TMTC2: variants seen among roughly 807,000 people sequenced by gnomAD.
TMTC2 encodes the protein protein O-mannosyl-transferase TMTC2.
In TMTC2, 43 loss-of-function variants were observed where a neutral mutation model predicts 82.4. The observed-to-expected ratio is 0.52, with a 90% CI of 0.41 to 0.67. TMTC2 has a LOEUF of 0.67. Ranked by LOEUF, TMTC2 falls within the 30% of genes least tolerant of loss-of-function variation. TMTC2 has a pLI of 0.00. For missense variants in TMTC2, 919 were observed against 1,012.4 expected (o/e 0.91, Z 1.25); for synonymous variants, 408 against 381.9 (o/e 1.07, Z -0.80).
At chr12:83,078,314 G>A (rs1355245783) in intron 11 of TMTC2, among the ~76,000 whole-genome samples, 1 of 152,092 alleles carries the variant, frequency 6.6e-6, no homozygotes, top group African/African-American at 2.4e-5. Flanking sequence ...TGTCATCCTG[G>A]ATGACATTAA....
intron 1 of TMTC2, among the ~76,000 whole-genome samples, chr12:82,705,690 C>T (rs951251993): frequency 2.6e-5 from 4 of 152,112 alleles, no homozygotes; most frequent in African/African-American, 7.2e-5. Context: ...TGCTATCTCC[C>T]GAGAAAGCAT....
At chr12:82,700,817 G>T (rs1214735766) in intron 1 of TMTC2, among the ~76,000 whole-genome samples, 1 of 152,150 alleles carries the variant, frequency 6.6e-6, no homozygotes, top group African/African-American at 2.4e-5. Context: ...CTGAAACTGA[G>T]TATCTTATAA....
intron 1 of TMTC2, among the ~76,000 whole-genome samples, chr12:82,732,288 A>G (rs1874857779): frequency 6.6e-6 from 1 of 151,268 alleles, no homozygotes; most frequent in Non-Finnish European, 1.5e-5. Context: ...GGCTTATTTT[A>G]CTCTGGCTAC....
intron 8 of TMTC2, among the ~76,000 whole-genome samples, chr12:83,025,570 G>A (rs1314973883): frequency 6.6e-6 from 1 of 152,092 alleles, no homozygotes; most frequent in Non-Finnish European, 1.5e-5. Context: ...GACACCAACA[G>A]GATGCCCTAC....
chr12:82,810,234 A>G (rs928130575), intron 1 of TMTC2, among the ~76,000 whole-genome samples: 1 of 151,744 alleles, frequency 6.6e-6, no homozygotes, highest in African/African-American at 2.4e-5. Context: ...GCTGTGGTCA[A>G]AGGAAGCTTA....
At chr12:82,997,175 T>TCTCCCCCCCC (rs150688624) in intron 8 of TMTC2, among the ~76,000 whole-genome samples, 1 of 114,510 alleles carries the variant, frequency 8.7e-6, no homozygotes, top group Non-Finnish European at 1.7e-5. Flanking sequence ...TCTCTCTCTC[T>TCTCCCCCCCC]CCCACCCCTC....
intron 6 of TMTC2, among the ~76,000 whole-genome samples, chr12:82,966,376 C>T (rs1878209086): frequency 6.6e-6 from 1 of 152,122 alleles, no homozygotes; most frequent in Non-Finnish European, 1.5e-5. Flanking sequence ...TTGCCCCTCT[C>T]TCCCCTTCAA....
intron 11 of TMTC2, among the ~76,000 whole-genome samples, chr12:83,123,330 G>A (rs1029730111): frequency 1.3e-5 from 2 of 152,216 alleles, no homozygotes; most frequent in African/African-American, 4.8e-5. Context: ...CACAAATACT[G>A]TGTTGAAACT....
intron 8 of TMTC2, among the ~76,000 whole-genome samples, chr12:83,014,084 A>T (rs933283482): frequency 6.6e-6 from 1 of 152,248 alleles, no homozygotes; most frequent in Non-Finnish European, 1.5e-5. Context: ...AACAAGTGAC[A>T]ATTTGGTTGA....
At chr12:82,922,367 C>G (rs949361394) in intron 3 of TMTC2, among the ~76,000 whole-genome samples, 4 of 151,842 alleles carry the variant, frequency 2.6e-5, no homozygotes, top group Non-Finnish European at 5.9e-5. Flanking sequence ...AATTATCTTT[C>G]TAAAAAAAAG....
intron 1 of TMTC2, among the ~76,000 whole-genome samples, chr12:82,774,006 C>T (rs962586480): frequency 2.0e-5 from 3 of 151,904 alleles, no homozygotes; most frequent in Admixed American, 6.6e-5. Context: ...TGATATTGCC[C>T]TGCCAATGGT....
At chr12:83,091,790 G>T (rs1047179216) in intron 11 of TMTC2, among the ~76,000 whole-genome samples, 5 of 152,088 alleles carry the variant, frequency 3.3e-5, no homozygotes, top group African/African-American at 1.2e-4. Flanking sequence ...GTTTGAGAAG[G>T]CCTCCCTCAC....
rs552772372 is a variant in TMTC2 at position 82,921,808 on chromosome 12, G to A, written c.1484-8623G>A. ...TATAGACATACTCTGTTAAAATGTG[G>A]ACTTTTAGGCTGGGTGCAGTGACTC... On this transcript the variant is annotated intron_variant, in intron 3 of 11. Coordinates refer to ENST00000321196, the MANE Select transcript of TMTC2 (RefSeq NM_152588.3). 3.7e-3 allele frequency among the ~76,000 whole-genome samples: 558 copies of A among 152,164 alleles called. 3 individuals carry two copies. Among genetic ancestry groups the A allele is most frequent in the Non-Finnish European group, 7.1e-3 (485 of 68,004 alleles).
At chr12:82,826,824 G>A (rs1007458982) in intron 1 of TMTC2, among the ~76,000 whole-genome samples, 1 of 152,138 alleles carries the variant, frequency 6.6e-6, no homozygotes, top group Non-Finnish European at 1.5e-5. Context: ...AACCTTTCCA[G>A]CCCAATGCCT....
At chr12:82,745,223 C>G (rs911262748) in intron 1 of TMTC2, among the ~76,000 whole-genome samples, 10 of 152,048 alleles carry the variant, frequency 6.6e-5, no homozygotes, top group Non-Finnish European at 1.2e-4. Flanking sequence ...TAAAGCAGTT[C>G]AGGACGTACA....
chr12:82,694,952 A>G (rs1872723054), intron 1 of TMTC2, among the ~76,000 whole-genome samples: 1 of 152,196 alleles, frequency 6.6e-6, no homozygotes, highest in South Asian at 2.1e-4. Flanking sequence ...TCCAGAGATT[A>G]TTGATTTCCT....
chr12:83,090,610 T>C (rs1883809088), intron 11 of TMTC2, among the ~76,000 whole-genome samples: 1 of 152,176 alleles, frequency 6.6e-6, no homozygotes, highest in Admixed American at 6.5e-5. Context: ...TGCTAGGCAC[T>C]CTACCTCTCA....
chr12:82,764,304 A>C (rs1284173764), intron 1 of TMTC2, among the ~76,000 whole-genome samples: 1 of 151,992 alleles, frequency 6.6e-6, no homozygotes, highest in Admixed American at 6.6e-5. Flanking sequence ...CACCCAGATA[A>C]TTTTTGTATT....
chr12:82,897,810 C>G (rs1008463854), intron 3 of TMTC2, among the ~76,000 whole-genome samples: 5 of 152,146 alleles, frequency 3.3e-5, no homozygotes, highest in Admixed American at 2.6e-4. Flanking sequence ...CAGGTGTGAG[C>G]CACCACACCT....
Sources: gnomAD v4.1 joint callset for allele counts (sites outside exome capture counted in the v4.1 genomes callset) on GRCh38, gnomAD v4.1.1 for gene constraint, MANE v1.5 for transcripts, NCBI Gene and HGNC (gene_info 2026-07-23, HGNC 2026-07-21) for gene names.